PRKCQ: variants seen among roughly 807,000 people sequenced by gnomAD.
PRKCQ encodes the protein protein kinase C theta type.
A neutral mutation model predicts 91.2 loss-of-function variants in PRKCQ; 41 were observed. The observed-to-expected ratio is 0.45, with a 90% CI of 0.35 to 0.58. The LOEUF is 0.58. Among genes scored for constraint, PRKCQ ranks in the 20% least tolerant of loss-of-function variants. PRKCQ has a pLI of 0.00. For missense variants in PRKCQ, 673 were observed against 896.5 expected, an observed-to-expected ratio of 0.75 and a Z score of 3.18; for synonymous variants, 307 against 316.9, an observed-to-expected ratio of 0.97 and a Z score of 0.33.
intron 1 of PRKCQ, 60 bp from the exon 2 acceptor site, chr10:6,515,204 C>T: frequency 1.2e-6 from 2 of 1,604,996 alleles, no homozygotes; most frequent in South Asian, 2.2e-5. Context: ...ATTTTTGGTG[C>T]CCCATGTCTA....
At chr10:6,416,947 C>T in the PRKCQ span, among the ~76,000 whole-genome samples, 12 of 152,150 alleles carry the variant, frequency 7.9e-5, no homozygotes, top group African/African-American at 2.7e-4. Flanking sequence ...TCTTATTTCA[C>T]TCTGGGATTT....
chr10:6,464,534 C>T, intron 12 of PRKCQ, 130 bp from the exon 13 acceptor site: 1 of 701,208 alleles, frequency 1.4e-6, no homozygotes, highest in East Asian at 2.8e-5. Flanking sequence ...ACTGCAACCT[C>T]CGCCTCCTGG....
the PRKCQ span, among the ~76,000 whole-genome samples, chr10:6,403,779 A>C: frequency 2.0e-5 from 3 of 152,206 alleles, no homozygotes; most frequent in Non-Finnish European, 4.4e-5. Flanking sequence ...TTGTATTCCC[A>C]GTGCCTAAGA....
chr10:6,402,628 G>A, the PRKCQ span, among the ~76,000 whole-genome samples: 1 of 152,208 alleles, frequency 6.6e-6, no homozygotes, highest in Non-Finnish European at 1.5e-5. Flanking sequence ...GTGAAGCACT[G>A]TGTGGCCTTT....
intron 17 of PRKCQ, among the ~76,000 whole-genome samples, chr10:6,429,094 G>A (rs530657404): frequency 5.9e-5 from 9 of 152,294 alleles, no homozygotes; most frequent in South Asian, 4.1e-4. Context: ...ACAGAGAAGC[G>A]AAATGAAGAA....
chr10:6,448,369 A>G (rs776464016), intron 15 of PRKCQ, among the ~76,000 whole-genome samples: 8 of 152,038 alleles, frequency 5.3e-5, no homozygotes, highest in Non-Finnish European at 1.0e-4. Context: ...AGGATGTGCA[A>G]TGGCAGAGAG....
chr10:6,515,423 T>C (rs1216143897), intron 1 of PRKCQ: 1 of 985,296 alleles, frequency 1.0e-6, no homozygotes, highest in African/African-American at 1.7e-5. Context: ...TTCAACCTAA[T>C]GGAGTTAGGC....
chr10:6,443,910 C>T (rs1276535641), intron 15 of PRKCQ, among the ~76,000 whole-genome samples: 1 of 152,142 alleles, frequency 6.6e-6, no homozygotes, highest in East Asian at 1.9e-4. Context: ...TCTGCACCAA[C>T]CTAATAGTTA....
At chr10:6,505,181 C>A (rs149584744) in intron 4 of PRKCQ, among the ~76,000 whole-genome samples, 1 of 152,156 alleles carries the variant, frequency 6.6e-6, no homozygotes, top group Non-Finnish European at 1.5e-5. Context: ...CGTGAGCCAC[C>A]GTGCCCGGCC....
intron 12 of PRKCQ, among the ~76,000 whole-genome samples, chr10:6,468,547 A>C (rs1263970305): frequency 1.1e-4 from 17 of 152,260 alleles, no homozygotes; most frequent in Non-Finnish European, 2.5e-4. Context: ...AACTTGGCAA[A>C]TATCATGCAA....
intron 1 of PRKCQ, among the ~76,000 whole-genome samples, chr10:6,562,133 C>T (rs564235878): frequency 2.0e-5 from 3 of 152,056 alleles, no homozygotes; most frequent in Non-Finnish European, 2.9e-5. Flanking sequence ...TTGAGGTGGA[C>T]GCTCGTGGGT....
chr10:6,567,999 C>T (rs1035107698), intron 1 of PRKCQ, among the ~76,000 whole-genome samples: 12 of 151,810 alleles, frequency 7.9e-5, no homozygotes, highest in South Asian at 2.1e-4. Context: ...TTGGTGGTGG[C>T]GCAGGGGGTT....
At chr10:6,464,441 T>C (rs1369376132) in intron 12 of PRKCQ, 37 bp from the exon 13 acceptor site, 2 of 1,504,878 alleles carry the variant, frequency 1.3e-6, no homozygotes, top group Non-Finnish European at 1.8e-6. Flanking sequence ...TTTTATTTCA[T>C]TTCATTTTTA....
chr10:6,436,662 C>T (rs1026905275), intron 16 of PRKCQ, among the ~76,000 whole-genome samples: 1 of 152,166 alleles, frequency 6.6e-6, no homozygotes, highest in African/African-American at 2.4e-5. Context: ...TCAATGGACT[C>T]AGAGAGTATG....
intron 1 of PRKCQ, among the ~76,000 whole-genome samples, chr10:6,577,106 A>G (rs113312994): frequency 2.1e-4 from 32 of 152,194 alleles, no homozygotes; most frequent in Non-Finnish European, 3.1e-4. Flanking sequence ...ATCAACCTAC[A>G]GCAACCTGCA....
chr10:6,460,383 C>T (rs567846554), intron 14 of PRKCQ, among the ~76,000 whole-genome samples: 4 of 151,948 alleles, frequency 2.6e-5, no homozygotes, highest in African/African-American at 4.8e-5. Context: ...TAAAATGCCC[C>T]GAGGCATGTG....
chr10:6,452,538 C>T (rs10906618), intron 15 of PRKCQ, among the ~76,000 whole-genome samples: 127,262 of 145,990 alleles, frequency 0.87, 55,497 homozygotes, highest in East Asian at 0.98. Flanking sequence ...CATCAAGCTA[C>T]CAATGACTTT....
At chr10:6,560,193 G>A (rs1840576232) in intron 1 of PRKCQ, among the ~76,000 whole-genome samples, 1 of 152,200 alleles carries the variant, frequency 6.6e-6, no homozygotes, top group Non-Finnish European at 1.5e-5. Flanking sequence ...CCTAATGGGT[G>A]AAGGGAATCT....
Position 6,491,804 on chromosome 10 carries a change from C to G in PRKCQ, c.669G>C (p.Lys223Asn). The stretch of plus-strand genomic sequence containing the variant: ...GTGGCATGTCAATTTTGAATCTCTC[C>G]TTGTGGAACTGAAAGAAAGGCAGAA... ...AINSRETMFH[K>N]ERFKIDMPHR... The change falls in exon 8 of 18, where the codon AAG (lysine) becomes AAC (asparagine). Residue 223 changes from lysine (K) to asparagine (N), a missense_variant. Physicochemically the swap from Lys to Asn is moderately conservative, Grantham distance 94 (BLOSUM62 0). Transcript: ENST00000263125. 6.2e-7 allele frequency: 1 copy of G among 1,614,194 alleles called. No homozygotes were observed. The highest frequency in any genetic ancestry group is 1.3e-5 in the African/African-American group (1 of 75,052).
Sources: allele counts gnomAD v4.1 joint callset (sites outside exome capture counted in the v4.1 genomes callset), GRCh38; gene constraint gnomAD v4.1.1; transcripts MANE v1.5; gene names NCBI Gene and HGNC (gene_info 2026-07-23, HGNC 2026-07-21).